Variants in PAK3 observed in about 807,000 individuals in gnomAD.
PAK3 encodes the protein p21 (RAC1) activated kinase 3, also known as serine/threonine-protein kinase PAK 3.
A neutral mutation model predicts 41.0 loss-of-function variants in PAK3; 4 were observed. The observed-to-expected ratio is 0.10, with a 90% confidence interval of 0.05 to 0.22. The LOEUF is 0.22. PAK3 is among the 10% of genes least tolerant of loss of function. PAK3 has a pLI of 1.00. For missense variants in PAK3, 205 were observed against 409.9 expected, an observed-to-expected ratio of 0.50 and a Z score of 4.32; for synonymous variants, 146 against 139.6, an observed-to-expected ratio of 1.05 and a Z score of -0.32.
intron 1 of PAK3, among the ~76,000 whole-genome samples, chrX:111,047,701 C>T (rs767501474): frequency 6.5e-4 from 72 of 110,920 alleles, no homozygotes; most frequent in Non-Finnish European, 1.1e-3. Flanking sequence ...TACCAGGCTA[C>T]GGAGTTGGGC....
rs1190787624 is a variant in PAK3, at chrX:110,957,691, C to T, written c.-28+13063C>T. Among the ~76,000 whole-genome samples the T allele has an allele frequency of 1.1e-4, 12 of 111,099 alleles. No homozygotes were observed. In the Admixed American group the frequency reaches 1.2e-3, roughly 11 times the overall value. Reference sequence around the variant, plus strand: ...CTGGGATCAGGCTATGGTAGAGGCACAAAAATTTTCATGCCTTGCTCATGG... The same window carrying T: ...CTGGGATCAGGCTATGGTAGAGGCATAAAAATTTTCATGCCTTGCTCATGG... On this transcript the variant is annotated intron_variant, in intron 1 of 14. Transcript: ENST00000425146.
At chrX:111,087,434 A>T (rs866283234) in intron 1 of PAK3, among the ~76,000 whole-genome samples, 1 of 109,689 alleles carries the variant, frequency 9.1e-6, no homozygotes, top group East Asian at 2.9e-4. Context: ...AAAAAAAAAA[A>T]AAGGATTGAT....
At chrX:111,075,755 G>A (rs892059156) in intron 1 of PAK3, among the ~76,000 whole-genome samples, 1 of 112,400 alleles carries the variant, frequency 8.9e-6, no homozygotes, top group Non-Finnish European at 1.9e-5. Context: ...GCAGCAACTC[G>A]CATCCTCAGC....
rs186967249 is a variant in PAK3 at position 111,127,185 on chromosome X, A to G, written c.175+3907A>G. On this transcript the variant is annotated intron_variant, in intron 5 of 17. Coordinates refer to ENST00000372007, the MANE Select transcript of PAK3 (RefSeq NM_002578.5). ...CTACATTTATGCAAAGTATTTGTAA[A>G]TATCATTTTCAATGGTGTATAATAT... Among the ~76,000 whole-genome samples the G allele has an allele frequency of 5.4e-5, 6 of 112,001 alleles. No individual in the cohort carries two copies. In the East Asian group the frequency reaches 1.4e-3, roughly 26 times the overall value.
At chrX:111,079,308 T>C (rs1030013165) in intron 1 of PAK3, among the ~76,000 whole-genome samples, 3 of 112,182 alleles carry the variant, frequency 2.7e-5, no homozygotes, top group Non-Finnish European at 5.6e-5. Context: ...TGTTAGAGGC[T>C]AACGCAACCA....
At chrX:111,026,451 G>A (rs1042384270) in intron 1 of PAK3, among the ~76,000 whole-genome samples, 1 of 111,593 alleles carries the variant, frequency 9.0e-6, no homozygotes, top group African/African-American at 3.3e-5. Context: ...AATGAATTCG[G>A]CAAAGTTTTA....
chrX:111,201,845 T>G (rs1051671782), intron 16 of PAK3, among the ~76,000 whole-genome samples: 1 of 110,803 alleles, frequency 9.0e-6, no homozygotes, highest in Non-Finnish European at 1.9e-5. Context: ...TGTATATATT[T>G]ATATATATGA....
chrX:111,116,482 T>A, intron 4 of PAK3, among the ~76,000 whole-genome samples: 1 of 111,945 alleles, frequency 8.9e-6, no homozygotes, highest in Non-Finnish European at 1.9e-5. Context: ...TAAAGTATGG[T>A]GCTGCATATG....
At chrX:111,168,855 G>A (rs1213333481) in intron 10 of PAK3, among the ~76,000 whole-genome samples, 1 of 111,418 alleles carries the variant, frequency 9.0e-6, no homozygotes, top group Non-Finnish European at 1.9e-5. Context: ...ATGGCTTCAA[G>A]TGACTTTAAA....
At chrX:111,003,621 A>G (rs1043328634) in intron 1 of PAK3, among the ~76,000 whole-genome samples, 3 of 111,642 alleles carry the variant, frequency 2.7e-5, no homozygotes, top group Admixed American at 9.6e-5. Context: ...AAAAAGTAGT[A>G]TAAGTGTTAG....
intron 16 of PAK3, among the ~76,000 whole-genome samples, chrX:111,214,332 G>A (rs768542731): frequency 2.7e-5 from 3 of 111,565 alleles, no homozygotes; most frequent in Admixed American, 9.5e-5. Flanking sequence ...ATCACCTGGA[G>A]AGCTTAAAAA....
intron 3 of PAK3, among the ~76,000 whole-genome samples, chrX:111,101,700 C>T (rs1472733904): frequency 9.0e-6 from 1 of 111,680 alleles, no homozygotes; most frequent in Non-Finnish European, 1.9e-5. Flanking sequence ...CCCCTCTCCC[C>T]CTCACCCCAC....
intron 1 of PAK3, among the ~76,000 whole-genome samples, chrX:111,009,701 G>A (rs951475513): frequency 4.5e-5 from 5 of 112,088 alleles, no homozygotes; most frequent in South Asian, 3.7e-4. Context: ...TGTACCTATC[G>A]GCAAGAGCCA....
At chrX:110,991,142 A>AAT (rs1556424084) in intron 1 of PAK3, among the ~76,000 whole-genome samples, 1 of 6,178 alleles carries the variant, frequency 1.6e-4, no homozygotes, top group East Asian at 0.071. Flanking sequence ...AAAAAAAAAA[A>AAT]GAAAAGAAAA....
intron 5 of PAK3, among the ~76,000 whole-genome samples, chrX:111,126,887 G>A (rs369196709): frequency 5.4e-5 from 6 of 110,670 alleles, no homozygotes; most frequent in Non-Finnish European, 1.1e-4. Context: ...TTTATAAGCC[G>A]GAGGTAACTA....
At chrX:111,185,182 G>A (rs193018739) in intron 11 of PAK3, among the ~76,000 whole-genome samples, 17 of 111,935 alleles carry the variant, frequency 1.5e-4, no homozygotes, top group South Asian at 1.1e-3. Flanking sequence ...TTTGTTGACC[G>A]CATAAATGTC....
In PAK3 at chrX:111,216,566, T is replaced by C. The variant is rs2094881299; in HGVS notation, c.1545+8T>C. On this transcript the variant is annotated splice_region_variant and intron_variant, in intron 17 of 17. Coordinates refer to ENST00000372007, the MANE Select transcript of PAK3 (RefSeq NM_002578.5). ...GCCAAGGAGCTTTTGCAGGTGAAAA[T>C]AAAATAGGACAATTACAAAGAGAGG... 8.5e-7 allele frequency: 1 copy of C among 1,176,272 alleles called. No individual in the cohort carries two copies. Among genetic ancestry groups the C allele is most frequent in the Non-Finnish European group, 1.2e-6 (1 of 864,855 alleles).
intron 13 of PAK3, among the ~76,000 whole-genome samples, chrX:111,193,630 G>C (rs770147798): frequency 9.0e-6 from 1 of 110,942 alleles, no homozygotes; most frequent in Admixed American, 9.6e-5. Flanking sequence ...GATTACAGGC[G>C]TGAGCCACTC....
At chrX:111,209,284 G>A (rs2094792677) in intron 16 of PAK3, among the ~76,000 whole-genome samples, 1 of 111,582 alleles carries the variant, frequency 9.0e-6, no homozygotes, top group South Asian at 3.8e-4. Flanking sequence ...GTGACATTGG[G>A]CAAGTTCTTC....
Sources: allele counts gnomAD v4.1 joint callset (sites outside exome capture counted in the v4.1 genomes callset), GRCh38; gene constraint gnomAD v4.1.1; transcripts MANE v1.5; gene names NCBI Gene and HGNC (gene_info 2026-07-23, HGNC 2026-07-21).